ELMO1: variants seen among roughly 807,000 people sequenced by gnomAD.
ELMO1 encodes engulfment and cell motility protein 1.
In ELMO1, 26 loss-of-function variants were observed where a neutral mutation model predicts 98.9. The observed-to-expected ratio is 0.26, with a 90% confidence interval of 0.19 to 0.36. ELMO1 has a LOEUF of 0.36. Ranked by LOEUF, ELMO1 falls within the 10% of genes least tolerant of loss-of-function variation. The pLI, the probability that ELMO1 is intolerant of heterozygous loss-of-function variation, is 1.00. For missense variants in ELMO1, 627 were observed against 935.2 expected, an observed-to-expected ratio of 0.67 and a Z score of 4.30; for synonymous variants, 346 against 346.0, an observed-to-expected ratio of 1.00 and a Z score of 0.00.
intron 16 of ELMO1, among the ~76,000 whole-genome samples, chr7:37,004,282 C>T (rs10488027): frequency 0.23 from 34,844 of 152,010 alleles, 4,766 homozygotes; most frequent in Middle Eastern, 0.41. Flanking sequence ...TAATCCACAA[C>T]GGAATCTGGA....
chr7:37,278,471 T>G (rs1414510537), intron 4 of ELMO1, among the ~76,000 whole-genome samples: 1 of 152,074 alleles, frequency 6.6e-6, no homozygotes, highest in Admixed American at 6.5e-5. Flanking sequence ...ATCCCACTAC[T>G]GCACTCCAGC....
chr7:36,956,465 T>C (rs761415402), intron 16 of ELMO1, among the ~76,000 whole-genome samples: 1 of 152,206 alleles, frequency 6.6e-6, no homozygotes, highest in Non-Finnish European at 1.5e-5. Context: ...CAAGAAGTAA[T>C]TTCAGACCCA....
At chr7:37,049,773 G>GT (rs1289136637) in intron 15 of ELMO1, among the ~76,000 whole-genome samples, 2 of 138,306 alleles carry the variant, frequency 1.4e-5, no homozygotes, top group Non-Finnish European at 3.2e-5. Flanking sequence ...GTTTTGTTTT[G>GT]TTTCTTTTTT....
At chr7:37,433,909 C>A (rs1805035255) in intron 1 of ELMO1, among the ~76,000 whole-genome samples, 1 of 152,128 alleles carries the variant, frequency 6.6e-6, no homozygotes, top group South Asian at 2.1e-4. Flanking sequence ...GCTAACCCAC[C>A]CACTCAGAAC....
chr7:37,088,198 T>G lies in ELMO1; in HGVS notation c.1300+8421A>C, dbSNP rs75092737. ...AAGTCCTTAAAAAGTCTATGATAAATATTATTTTCATCCATTTATAATTGA... is the reference window on the plus strand; with the variant it reads ...AAGTCCTTAAAAAGTCTATGATAAAGATTATTTTCATCCATTTATAATTGA... On this transcript the variant is annotated intron_variant, in intron 15 of 21. Coordinates refer to ENST00000310758, the MANE Select transcript of ELMO1 (RefSeq NM_014800.11). 4.1e-3 allele frequency among the ~76,000 whole-genome samples: 626 copies of G among 152,330 alleles called. 5 individuals carry two copies. Among genetic ancestry groups the G allele is most frequent in the African/African-American group, 0.014 (575 of 41,568 alleles).
intron 16 of ELMO1, among the ~76,000 whole-genome samples, chr7:37,008,124 A>G (rs914779815): frequency 6.6e-6 from 1 of 152,248 alleles, no homozygotes; most frequent in Admixed American, 6.5e-5. Context: ...GTATGGCACA[A>G]TCATCTGATC....
chr7:37,391,156 G>A (rs1417613356), intron 1 of ELMO1, among the ~76,000 whole-genome samples: 1 of 148,572 alleles, frequency 6.7e-6, no homozygotes, highest in African/African-American at 2.5e-5. Context: ...TTGCTCTATT[G>A]TCCAGGCTGG....
At chr7:37,331,287 A>G (rs1179135017) in intron 2 of ELMO1, among the ~76,000 whole-genome samples, 7 of 148,708 alleles carry the variant, frequency 4.7e-5, no homozygotes, top group African/African-American at 1.7e-4. Flanking sequence ...CTCCTGCCTC[A>G]GCCTCCCGAG....
At chr7:37,428,030 G>GGGGTGTGTGT (rs71554509) in intron 1 of ELMO1, among the ~76,000 whole-genome samples, 1 of 149,792 alleles carries the variant, frequency 6.7e-6, no homozygotes, top group African/African-American at 2.5e-5. Context: ...GTATGCTTGG[G>GGGGTGTGTGT]GTGTGTGTGT....
At chr7:37,395,136 C>T (rs1465591730) in intron 1 of ELMO1, among the ~76,000 whole-genome samples, 2 of 152,038 alleles carry the variant, frequency 1.3e-5, no homozygotes, top group Non-Finnish European at 2.9e-5. Flanking sequence ...GAGGCCGAGG[C>T]AGGCAGATCA....
chr7:37,443,070 A>G (rs1409755565), intron 1 of ELMO1, among the ~76,000 whole-genome samples: 1 of 152,170 alleles, frequency 6.6e-6, no homozygotes, highest in Non-Finnish European at 1.5e-5. Flanking sequence ...GCATCCCCAG[A>G]GGAAGGGTGT....
rs114148501 is a variant in ELMO1, at chr7:36,986,056, T to C, written c.1437+27243A>G. ...ACCAGATGGTTCCTGAGTAAGCTTGTTCATGAAACAGGTTTCCAGTTGAGC... is the reference window on the plus strand; with the variant it reads ...ACCAGATGGTTCCTGAGTAAGCTTGCTCATGAAACAGGTTTCCAGTTGAGC... On this transcript the variant is annotated intron_variant, in intron 16 of 21. Coordinates refer to ENST00000310758, the MANE Select transcript of ELMO1 (RefSeq NM_014800.11). 840 of 999,732 alleles carry C rather than the reference T, an allele frequency of 8.4e-4. 7 individuals are homozygous for C. In the African/African-American group the frequency reaches 0.013, roughly 16 times the overall value. 61.9% of individuals were successfully genotyped at this position (999,732 alleles called of 1,614,324 possible).
At chr7:37,379,695 A>C (rs1802506737) in intron 1 of ELMO1, among the ~76,000 whole-genome samples, 1 of 152,218 alleles carries the variant, frequency 6.6e-6, no homozygotes, top group African/African-American at 2.4e-5. Flanking sequence ...GTCAGGACCC[A>C]GCTGGCATGG....
intron 1 of ELMO1, among the ~76,000 whole-genome samples, chr7:37,405,829 G>A (rs758890061): frequency 5.9e-5 from 9 of 152,236 alleles, no homozygotes; most frequent in East Asian, 5.8e-4. Flanking sequence ...ATGCTGTCCC[G>A]CCCCAGAGGT....
Position 36,884,510 on chromosome 7 carries a change from T to C in ELMO1, c.1714+3050A>G, listed in dbSNP as rs115007873. 2.8e-3 allele frequency among the ~76,000 whole-genome samples: 429 copies of C among 152,220 alleles called. 5 individuals carry two copies. The highest frequency in any genetic ancestry group is 0.01 in the African/African-American group (417 of 41,528). On this transcript the variant is annotated intron_variant, in intron 18 of 21. Transcript: ENST00000310758. Reference sequence around the variant, plus strand: ...ACGAAGAAAGAGGAGCACAAAGACATTGAGCAGATTGCCCGAGGCTACCCA... The same window carrying C: ...ACGAAGAAAGAGGAGCACAAAGACACTGAGCAGATTGCCCGAGGCTACCCA...
At chr7:37,443,947 C>T (rs9655383) in intron 1 of ELMO1, among the ~76,000 whole-genome samples, 25,627 of 152,136 alleles carry the variant, frequency 0.17, 2,706 homozygotes, top group South Asian at 0.39. Context: ...TTCTGTCCCC[C>T]AACCTGGAGC....
intron 7 of ELMO1, among the ~76,000 whole-genome samples, chr7:37,234,215 A>G (rs562412846): frequency 6.6e-6 from 1 of 152,334 alleles, no homozygotes; most frequent in Non-Finnish European, 1.5e-5. Context: ...TCAATTTTTA[A>G]AAAAATAAAG....
At chr7:37,399,406 C>T (rs1255527689) in intron 1 of ELMO1, among the ~76,000 whole-genome samples, 1 of 152,160 alleles carries the variant, frequency 6.6e-6, no homozygotes, top group Admixed American at 6.5e-5. Flanking sequence ...TCTACCAGGG[C>T]CAGGGCATAA....
chr7:37,433,814 T>C (rs1210462878), intron 1 of ELMO1, among the ~76,000 whole-genome samples: 6 of 152,092 alleles, frequency 3.9e-5, no homozygotes, highest in Non-Finnish European at 8.8e-5. Flanking sequence ...GTTTCTCCCC[T>C]GTACATGCGC....
Sources: gnomAD v4.1 joint callset for allele counts (sites outside exome capture counted in the v4.1 genomes callset) on GRCh38, gnomAD v4.1.1 for gene constraint, MANE v1.5 for transcripts, NCBI Gene and HGNC (gene_info 2026-07-23, HGNC 2026-07-21) for gene names.